GFOD1: variants seen among roughly 807,000 people sequenced by gnomAD.
The protein encoded by GFOD1 is glucose-fructose oxidoreductase domain-containing protein 1.
A neutral mutation model predicts 25.4 loss-of-function variants in GFOD1; 9 were observed. That is an observed-to-expected ratio of 0.35 (90% CI 0.21 to 0.62). The LOEUF (loss-of-function observed/expected upper bound fraction) is 0.62, where lower values mean the gene tolerates loss of function less well. GFOD1 is among the 20% of genes least tolerant of loss of function. The pLI is 0.72. For synonymous variants in GFOD1, 253 were observed against 245.6 expected (o/e 1.03, Z -0.28); for missense variants, 403 against 556.9 (o/e 0.72, Z 2.78).
intron 1 of GFOD1, among the ~76,000 whole-genome samples, chr6:13,479,309 C>T (rs377479111): frequency 6.6e-6 from 1 of 152,264 alleles, no homozygotes; most frequent in African/African-American, 2.4e-5. Flanking sequence ...TATATTTTCC[C>T]TCTCATTTTA....
chr6:13,470,469 CT>C lies in GFOD1; in HGVS notation c.253+16168del, dbSNP rs1377985153. On this transcript the variant is annotated intron_variant, in intron 1 of 1. Transcript: ENST00000379287. ...GGCTGCATCCCTAAGGGCTTGAAAC[CT>C]GTCCCCTGGGACTCTCCAAGAGCAG... 1.7e-5 allele frequency: 26 copies of C among 1,550,260 alleles called. No homozygotes were observed. The East Asian group carries it at 6.1e-4, about 36-fold the overall frequency.
chr6:13,472,283 G>C (rs1584672381), intron 1 of GFOD1, among the ~76,000 whole-genome samples: 1 of 152,108 alleles, frequency 6.6e-6, no homozygotes, highest in Admixed American at 6.5e-5. Context: ...ATTTTATTTA[G>C]TTTTATGTAA....
At chr6:13,415,850 C>T (rs545292558) in intron 1 of GFOD1, among the ~76,000 whole-genome samples, 7 of 152,294 alleles carry the variant, frequency 4.6e-5, no homozygotes, top group East Asian at 1.9e-4. Flanking sequence ...GTTCATTAAA[C>T]GAACATTGAC....
intron 1 of GFOD1, among the ~76,000 whole-genome samples, chr6:13,454,098 G>C (rs1240078029): frequency 6.6e-6 from 1 of 152,176 alleles, no homozygotes; most frequent in East Asian, 1.9e-4. Flanking sequence ...CACACAGGCA[G>C]AACCCCACTG....
intron 1 of GFOD1, among the ~76,000 whole-genome samples, chr6:13,444,179 T>TA (rs1757964573): frequency 6.6e-6 from 1 of 152,080 alleles, no homozygotes; most frequent in African/African-American, 2.4e-5. Context: ...TATGCAGCTA[T>TA]AAAAAAGAAT....
intron 1 of GFOD1, among the ~76,000 whole-genome samples, chr6:13,393,143 G>A (rs1344155739): frequency 6.6e-6 from 1 of 151,888 alleles, no homozygotes; most frequent in Non-Finnish European, 1.5e-5. Flanking sequence ...ATCACTTGAG[G>A]TCAGGATTTC....
intron 1 of GFOD1, among the ~76,000 whole-genome samples, chr6:13,452,113 T>C (rs960218582): frequency 1.5e-4 from 23 of 152,170 alleles, no homozygotes; most frequent in African/African-American, 5.6e-4. Context: ...CCTGTGTCCC[T>C]GATTCTGATC....
intron 1 of GFOD1, among the ~76,000 whole-genome samples, chr6:13,374,343 G>A (rs1447521119): frequency 3.3e-4 from 47 of 144,480 alleles, no homozygotes; most frequent in Admixed American, 1.9e-3. Context: ...TCACTCTATC[G>A]CCTAGGCTGG....
At position 13,374,273 on chromosome 6, in the gene GFOD1, T is replaced by TG. The variant is rs1554199407; in HGVS notation, c.254-8612_254-8611insC. On this transcript the variant is annotated intron_variant, in intron 1 of 1. Transcript: ENST00000379287. Reference sequence around the variant, plus strand: ...GTCTTTTTAAAAATATGTTTTTTTTTTGTGTGTGTGTGTGTGTGTGTGTGT... The same window carrying TG: ...GTCTTTTTAAAAATATGTTTTTTTTTGTGTGTGTGTGTGTGTGTGTGTGTGT... 3.8e-3 allele frequency among the ~76,000 whole-genome samples: 514 copies of TG among 134,410 alleles called. 2 individuals are homozygous for TG. Among genetic ancestry groups the TG allele is most frequent in the Middle Eastern group, 0.015 (4 of 260 alleles). 88.2% of individuals were successfully genotyped at this position (134,410 alleles called of 152,430 possible).
At chr6:13,416,735 A>T (rs1480171857) in intron 1 of GFOD1, among the ~76,000 whole-genome samples, 1 of 152,234 alleles carries the variant, frequency 6.6e-6, no homozygotes, top group African/African-American at 2.4e-5. Context: ...GACTTTAATT[A>T]TTCACAATAA....
chr6:13,481,329 G>C (rs2127579700), intron 1 of GFOD1, among the ~76,000 whole-genome samples: 1 of 152,344 alleles, frequency 6.6e-6, no homozygotes, highest in Non-Finnish European at 1.5e-5. Flanking sequence ...AACCTTCTGG[G>C]CAAAGGGATG....
chr6:13,376,894 T>C (rs141716142), intron 1 of GFOD1, among the ~76,000 whole-genome samples: 157 of 152,272 alleles, frequency 1.0e-3, no homozygotes, highest in South Asian at 2.1e-3. Flanking sequence ...CCTCACTGTG[T>C]GTACAGTGGG....
At chr6:13,397,364 C>A (rs60980292) in intron 1 of GFOD1, among the ~76,000 whole-genome samples, 3 of 152,218 alleles carry the variant, frequency 2.0e-5, no homozygotes, top group Non-Finnish European at 4.4e-5. Flanking sequence ...AAGCCACCCT[C>A]GAAATGAAAA....
intron 1 of GFOD1, among the ~76,000 whole-genome samples, chr6:13,483,423 T>C (rs1758798014): frequency 6.6e-6 from 1 of 152,186 alleles, no homozygotes; most frequent in South Asian, 2.1e-4. Context: ...CTGGGCTCAC[T>C]TCTTCAGGAT....
intron 1 of GFOD1, among the ~76,000 whole-genome samples, chr6:13,447,638 G>A (rs1237516811): frequency 1.3e-5 from 2 of 150,424 alleles, no homozygotes; most frequent in African/African-American, 4.9e-5. Flanking sequence ...CTACTTGGGA[G>A]GCTGAGGCAG....
intron 1 of GFOD1, among the ~76,000 whole-genome samples, chr6:13,394,664 G>A (rs1354473256): frequency 2.7e-5 from 4 of 150,514 alleles, no homozygotes; most frequent in African/African-American, 7.3e-5. Flanking sequence ...AGACAGTCTC[G>A]CTCTGTTGCT....
At chr6:13,466,389 T>C (rs749292208) in intron 1 of GFOD1, among the ~76,000 whole-genome samples, 2 of 152,252 alleles carry the variant, frequency 1.3e-5, no homozygotes, top group African/African-American at 4.8e-5. Context: ...ATCAGGGTTA[T>C]GACCAGTAAC....
intron 1 of GFOD1, among the ~76,000 whole-genome samples, chr6:13,418,870 G>A (rs1026339822): frequency 3.9e-5 from 6 of 152,158 alleles, no homozygotes; most frequent in African/African-American, 7.2e-5. Context: ...CTGCCACACT[G>A]GGAAATGTTT....
At chr6:13,462,000 G>T (rs1758299581) in intron 1 of GFOD1, among the ~76,000 whole-genome samples, 1 of 152,214 alleles carries the variant, frequency 6.6e-6, no homozygotes, top group Non-Finnish European at 1.5e-5. Context: ...CAGCACAAAT[G>T]CTGGGAGTCA....
Sources: allele counts gnomAD v4.1 joint callset (sites outside exome capture counted in the v4.1 genomes callset), GRCh38; gene constraint gnomAD v4.1.1; transcripts MANE v1.5; gene names NCBI Gene and HGNC (gene_info 2026-07-23, HGNC 2026-07-21).